The following PDE4D variants were observed in gnomAD, a reference collection of about 807,000 sequenced individuals.
PDE4D encodes the protein 3',5'-cyclic-AMP phosphodiesterase 4D.
Under a neutral mutation model 87.4 loss-of-function variants are expected in PDE4D, and 24 were observed. The ratio of observed to expected loss-of-function variants is 0.27; its 90% CI spans 0.20 to 0.39. PDE4D has a LOEUF of 0.39. Ranked by LOEUF, PDE4D falls within the 10% of genes least tolerant of loss-of-function variation. The pLI is 1.00. For missense variants in PDE4D, 714 were observed against 1,041.0 expected (o/e 0.69, Z 4.32); for synonymous variants, 384 against 383.2 (o/e 1.00, Z -0.02).
chr5:59,761,206 C>G (rs1327435331), intron 1 of PDE4D, among the ~76,000 whole-genome samples: 1 of 151,950 alleles, frequency 6.6e-6, no homozygotes, highest in East Asian at 1.9e-4. Context: ...AATGATATAC[C>G]TGTATGGGGC....
At position 60,105,779 on chromosome 5, in the gene PDE4D, G is replaced by A. The variant is rs904592816; in HGVS notation, c.42+79778C>T. On this transcript the variant is annotated intron_variant, in intron 2 of 16. Coordinates refer to the PDE4D transcript ENST00000502484. ...GCCAAACTAAGCTTCATAAGTGAAG[G>A]AGAAATAAAATCCTTTACAGACAAG... 5.3e-5 allele frequency among the ~76,000 whole-genome samples: 8 copies of A among 152,232 alleles called. No homozygotes were observed. The East Asian group carries it at 1.5e-3, about 29-fold the overall frequency.
At chr5:60,103,502 G>A (rs561808929) in intron 2 of PDE4D, among the ~76,000 whole-genome samples, 3 of 152,268 alleles carry the variant, frequency 2.0e-5, no homozygotes, top group Non-Finnish European at 2.9e-5. Context: ...CAGGAATGAA[G>A]AACATGTAGC....
chr5:59,278,422 T>C (rs185626579), intron 1 of PDE4D, among the ~76,000 whole-genome samples: 1 of 152,242 alleles, frequency 6.6e-6, no homozygotes, highest in East Asian at 1.9e-4. Context: ...TCTCAGTATT[T>C]CCCTGTTGTA....
chr5:60,458,215 T>C (rs1316433814), intron 1 of PDE4D, among the ~76,000 whole-genome samples: 2 of 151,858 alleles, frequency 1.3e-5, no homozygotes, highest in Non-Finnish European at 2.9e-5. Context: ...TGAAACCCCA[T>C]CTCTACTAAA....
chr5:59,622,334 A>G (rs1307861144), intron 1 of PDE4D, among the ~76,000 whole-genome samples: 1 of 152,190 alleles, frequency 6.6e-6, no homozygotes, highest in African/African-American at 2.4e-5. Context: ...AAAGGTCTTA[A>G]TTCTAATTTG....
rs182844821 is a variant in PDE4D at position 60,164,099 on chromosome 5, C to T, written c.42+21458G>A. Among the ~76,000 whole-genome samples the T allele has an allele frequency of 3.9e-5, 6 of 152,136 alleles. No homozygotes were observed. The East Asian group carries it at 9.6e-4, about 24-fold the overall frequency. ...TATTCTTCATTTTGTTCTATTAACC[C>T]TCTCTTTTATAACACTTTGTTTTTA... On this transcript the variant is annotated intron_variant, in intron 2 of 16. Coordinates refer to the PDE4D transcript ENST00000502484.
chr5:59,545,611 T>C (rs1411613782), intron 1 of PDE4D, among the ~76,000 whole-genome samples: 2 of 152,216 alleles, frequency 1.3e-5, no homozygotes, highest in Admixed American at 6.5e-5. Flanking sequence ...TTAAATGATA[T>C]GTGGGCTTTT....
intron 1 of PDE4D, among the ~76,000 whole-genome samples, chr5:59,752,682 T>C (rs759246213): frequency 5.9e-5 from 9 of 152,178 alleles, no homozygotes; most frequent in Non-Finnish European, 1.2e-4. Context: ...TAGTGGGCAG[T>C]GGCCAGGGAT....
At chr5:60,383,044 C>T (rs1379307526) in intron 1 of PDE4D, among the ~76,000 whole-genome samples, 1 of 152,066 alleles carries the variant, frequency 6.6e-6, no homozygotes, top group Non-Finnish European at 1.5e-5. Flanking sequence ...AGAACAGGGA[C>T]CAATTTTCAG....
intron 1 of PDE4D, among the ~76,000 whole-genome samples, chr5:59,266,068 C>T (rs949631074): frequency 6.6e-6 from 1 of 151,948 alleles, no homozygotes; most frequent in African/African-American, 2.4e-5. Flanking sequence ...TTTTAGCTCT[C>T]TTTTTCAGCT....
chr5:59,590,106 T>C (rs1053462836), intron 1 of PDE4D, among the ~76,000 whole-genome samples: 2 of 152,160 alleles, frequency 1.3e-5, no homozygotes, highest in East Asian at 3.8e-4. Flanking sequence ...TATAAAAGAA[T>C]AGGCTTGCTT....
chr5:59,787,280 T>C (rs1285010205), intron 1 of PDE4D, among the ~76,000 whole-genome samples: 1 of 152,328 alleles, frequency 6.6e-6, no homozygotes, highest in South Asian at 2.1e-4. Context: ...CTGGGGAGAA[T>C]ATTCTGGAGC....
At chr5:59,988,753 C>A in intron 2 of PDE4D, 2 of 1,161,610 alleles carry the variant, frequency 1.7e-6, no homozygotes, top group South Asian at 1.3e-5. Context: ...ATATAATCAA[C>A]AAAAATCACA....
At chr5:59,844,177 C>A (rs890400325) in intron 1 of PDE4D, among the ~76,000 whole-genome samples, 1 of 151,986 alleles carries the variant, frequency 6.6e-6, no homozygotes, top group Non-Finnish European at 1.5e-5. Context: ...TTTGTTTTTG[C>A]AAGTACCATG....
At chr5:59,980,438 T>C (rs1283768629) in intron 3 of PDE4D, among the ~76,000 whole-genome samples, 4 of 152,252 alleles carry the variant, frequency 2.6e-5, no homozygotes, top group Non-Finnish European at 5.9e-5. Flanking sequence ...CAATCTCTAT[T>C]ACTAAAACAA....
At chr5:60,357,087 C>A (rs1273344821) in intron 1 of PDE4D, among the ~76,000 whole-genome samples, 1 of 151,948 alleles carries the variant, frequency 6.6e-6, no homozygotes, top group Non-Finnish European at 1.5e-5. Context: ...GCATTTCAAT[C>A]CCAGTGGAAA....
Position 60,474,106 on chromosome 5 carries a change from A to ATATATATATATATGTG in PDE4D, c.-90+13835_-90+13836insCACATATATATATATA, listed in dbSNP as rs200628241. Among the ~76,000 whole-genome samples, 26 of 12,666 alleles carry ATATATATATATATGTG rather than the reference A, an allele frequency of 2.1e-3. No homozygotes were observed. In the East Asian group the frequency reaches 0.026, roughly 13 times the overall value. The allele number at this position is 12,666 out of a possible 152,430, so 8.3% of individuals were successfully genotyped here. A position where few individuals can be genotyped will look rare whatever the true frequency, so the allele number is the denominator to read the frequency against. ...ACTGTCTCAGTCCCTTTGAGCTGCC[A>ATATATATATATATGTG]TATATATATATATATATATATATAT... On this transcript the variant is annotated intron_variant, in intron 1 of 16. Transcript: ENST00000502484.
chr5:60,437,298 A>G (rs1744836427), intron 1 of PDE4D, among the ~76,000 whole-genome samples: 1 of 152,084 alleles, frequency 6.6e-6, no homozygotes, highest in Admixed American at 6.6e-5. Flanking sequence ...AGGCTATTTG[A>G]CCGGTCTCTA....
chr5:59,129,903 A>G (rs1776034430), intron 5 of PDE4D, among the ~76,000 whole-genome samples: 1 of 152,224 alleles, frequency 6.6e-6, no homozygotes, highest in Non-Finnish European at 1.5e-5. Flanking sequence ...TGAAAGGGTT[A>G]GAGATGATGT....
Sources: allele counts gnomAD v4.1 joint callset (sites outside exome capture counted in the v4.1 genomes callset), GRCh38; gene constraint gnomAD v4.1.1; transcripts MANE v1.5; gene names NCBI Gene and HGNC (gene_info 2026-07-23, HGNC 2026-07-21).